The following LAMA5 variants were observed in gnomAD, a reference collection of about 807,000 sequenced individuals.
The protein encoded by LAMA5 is laminin subunit alpha-5.
Under a neutral mutation model 433.4 loss-of-function variants are expected in LAMA5, and 260 were observed. The observed-to-expected ratio is 0.60, with a 90% CI of 0.54 to 0.66. The LOEUF is 0.66. Among genes scored for constraint, LAMA5 ranks in the 30% least tolerant of loss-of-function variants. The pLI is 0.00. For synonymous variants in LAMA5, 2,620 were observed against 2,226.6 expected (o/e 1.18, Z -4.97); for missense variants, 5,378 against 5,258.5 (o/e 1.02, Z -0.70).
intron 11 of LAMA5, among the ~76,000 whole-genome samples, chr20:62,341,054 A>C (rs1283782190): frequency 2.6e-5 from 1 of 38,682 alleles, no homozygotes; most frequent in Non-Finnish European, 1.5e-4. Flanking sequence ...AAATAAATAA[A>C]TAAATAAATA....
Position 62,312,995 on chromosome 20 carries a change from A to C in LAMA5, c.8971T>G (p.Leu2991Val), listed in dbSNP as rs1986488083. ...ACGAGGCTGCCTTCTTGCACGGCCA[A>C]GCACAGGAACTGGCTCTGCAGAAAC... The part of the protein sequence containing the change: ...FLKQQSQFLC[L>V]AVQEGSLVLL... Residue 2991 changes from leucine to valine, a missense_variant, in exon 66 of 80, where the codon TTG becomes GTG. Coordinates refer to ENST00000252999, the MANE Select transcript of LAMA5 (RefSeq NM_005560.6). 3.8e-6 allele frequency: 6 copies of C among 1,582,120 alleles called. No homozygotes were observed. Among genetic ancestry groups the C allele is most frequent in the Non-Finnish European group, 5.2e-6 (6 of 1,161,956 alleles).
At chr20:62,333,516 C>A in intron 24 of LAMA5, 35 bp from the exon 25 acceptor site, 2 of 1,592,000 alleles carry the variant, frequency 1.3e-6, no homozygotes, top group Non-Finnish European at 8.5e-7. Context: ...AGTGGTGGGC[C>A]CCACCCCCTG....
chr20:62,322,114 G>T lies in LAMA5; in HGVS notation c.6401C>A (p.Pro2134His). ...CDPHTGRCNC[P>H]PGLSGERCDT... ...GCAGCGCTCCCCGCTGAGCCCCGGG[G>T]GGCAGTTGCAGCGGCCCGTGTGAGG... is the stretch of plus-strand genomic sequence containing the variant. The change falls in exon 48 of 80, where the codon CCC (proline) becomes CAC (histidine). Residue 2134 changes from proline to histidine, a missense_variant. Pro to His is a moderately conservative substitution (Grantham distance 77, BLOSUM62 -2). Coordinates refer to ENST00000252999, the MANE Select transcript of LAMA5 (RefSeq NM_005560.6). The T allele has an allele frequency of 6.2e-7, 1 of 1,603,390 alleles. No homozygotes were observed. Among genetic ancestry groups the T allele is most frequent in the Non-Finnish European group, 8.5e-7 (1 of 1,178,870 alleles).
chr20:62,358,904 T>C (rs942671752), intron 2 of LAMA5, among the ~76,000 whole-genome samples: 2 of 152,172 alleles, frequency 1.3e-5, no homozygotes, highest in South Asian at 2.1e-4. Context: ...CTGTCCACTC[T>C]GCCCTCCCAT....
rs770067330 is a variant in LAMA5, at chr20:62,327,923, G to A, written c.4740C>T (p.His1580=). 80 of 1,612,304 alleles carry A rather than the reference G, an allele frequency of 5.0e-5. No homozygotes were observed. The highest frequency in any genetic ancestry group is 4.9e-4 in the Middle Eastern group (3 of 6,076). Residue 1580 remains histidine, a synonymous_variant, in exon 36 of 80, where the codon CAC becomes CAT. Coordinates refer to ENST00000252999, the MANE Select transcript of LAMA5 (RefSeq NM_005560.6). ...ACACGCCAGGCGCAGTGCCCGCCTCGTGACAGTCACAGGGGCGGCAGCGGG... is the reference window on the plus strand; with the variant it reads ...ACACGCCAGGCGCAGTGCCCGCCTCATGACAGTCACAGGGGCGGCAGCGGG... ...GYPRCRPCDC[H]EAGTAPGVCD... is the part of the protein sequence containing the mutation.
In LAMA5 at chr20:62,337,048, AGT is replaced by A. The variant is rs577476814; in HGVS notation, c.2165-264_2165-263del. The A allele has an allele frequency of 8.7e-5, 57 of 658,428 alleles. No homozygotes were observed. The East Asian group carries it at 9.7e-4, about 11-fold the overall frequency. The allele number at this position is 658,428 out of a possible 1,614,324, so 40.8% of individuals were successfully genotyped here. ...GGGTACCCGTGTACATTCCACACGC[AGT>A]GTGTGACACACGTCTGAACAAGCAC... On this transcript the variant is annotated intron_variant, in intron 16 of 79. Coordinates refer to ENST00000252999, the MANE Select transcript of LAMA5 (RefSeq NM_005560.6).
chr20:62,355,600 A>G (rs1985074892), intron 2 of LAMA5: 1 of 152,306 alleles, frequency 6.6e-6, no homozygotes, highest in African/African-American at 2.4e-5. Context: ...GGGGCGGGGC[A>G]CAGGCCTATT....
At chr20:62,328,195 C>A in intron 35 of LAMA5, 46 bp downstream of exon 35, 1 of 1,543,058 alleles carries the variant, frequency 6.5e-7, no homozygotes, top group Non-Finnish European at 8.8e-7. Context: ...GAAATGCTGT[C>A]CTTAAGGCCA....
At position 62,323,590 on chromosome 20, in the gene LAMA5, G is replaced by T. The variant is rs746613947; in HGVS notation, c.5930C>A (p.Pro1977His). Residue 1977 changes from proline (P) to histidine (H), a missense_variant, in exon 45 of 80, where the codon CCC becomes CAC. Transcript: ENST00000252999. ...QPCDCSGNGD[P>H]NLLFSDCDPL... The stretch of plus-strand genomic sequence containing the variant: ...GTCGCAGTCGCTGAAGAGCAAGTTG[G>T]GGTCACCGTTGCCGCTGCAGTCGCA... The T allele has an allele frequency of 3.1e-6, 5 of 1,610,404 alleles. No individual in the cohort carries two copies. Among genetic ancestry groups the T allele is most frequent in the South Asian group, 1.1e-5 (1 of 90,680 alleles).
chr20:62,327,488 A>C lies in LAMA5; in HGVS notation c.4938+41T>G, dbSNP rs944891. ...CATCTTGCATCCAGTCCCACCTAAG[A>C]CCTCCCCGAGAAGGCAATGCCCTCA... On this transcript the variant is annotated intron_variant, in intron 37 of 79. Transcript: ENST00000252999. 1,458,878 of 1,610,604 alleles carry C rather than the reference A, an allele frequency of 0.91. 662,172 individuals carry two copies. The highest frequency in any genetic ancestry group is 0.98 in the East Asian group (44,095 of 44,802).
intron 6 of LAMA5, among the ~76,000 whole-genome samples, chr20:62,349,195 C>A (rs113867387): frequency 7.5e-6 from 1 of 132,830 alleles, no homozygotes; most frequent in Non-Finnish European, 1.6e-5. Context: ...GGCATGAACC[C>A]GGGAGGCGGA....
intron 1 of LAMA5, among the ~76,000 whole-genome samples, chr20:62,364,088 T>TC (rs750840163): frequency 2.2e-4 from 34 of 152,162 alleles, no homozygotes; most frequent in Admixed American, 1.4e-3. Context: ...TCCCGCTGTG[T>TC]CCCCAGCTCA....
Position 62,311,435 on chromosome 20 carries a change from A to C in LAMA5, c.9908T>G (p.Leu3303Arg). The change falls in exon 72 of 80, where the codon CTG becomes CGG. Residue 3303 changes from leucine (L) to arginine (R), a missense_variant. Coordinates refer to ENST00000252999, the MANE Select transcript of LAMA5 (RefSeq NM_005560.6). ...APALQAQTPG[L>R]GPRGLQATAR... ...GGTGGCCTGCAGTCCTCTAGGCCCC[A>C]GGCCCGGGGTCTGGGCTTGCAGGGC... 6.3e-7 allele frequency: 1 copy of C among 1,595,128 alleles called. No individual in the cohort carries two copies. Among genetic ancestry groups the C allele is most frequent in the Non-Finnish European group, 8.5e-7 (1 of 1,170,948 alleles).
At chr20:62,334,848 G>A (rs1981274599) in intron 20 of LAMA5, among the ~76,000 whole-genome samples, 173 bp downstream of exon 20, 1 of 152,018 alleles carries the variant, frequency 6.6e-6, no homozygotes, top group African/African-American at 2.4e-5. Context: ...GCATCTGGGT[G>A]GGAGCTGCAC....
At chr20:62,358,838 C>T (rs563111029) in intron 2 of LAMA5, among the ~76,000 whole-genome samples, 2 of 152,278 alleles carry the variant, frequency 1.3e-5, no homozygotes, top group South Asian at 2.1e-4. Flanking sequence ...AGAGCTTTGC[C>T]TCCTTGTACC....
At chr20:62,325,218 G>A (rs1430133596) in intron 41 of LAMA5, 98 bp downstream of exon 41, 7 of 796,654 alleles carry the variant, frequency 8.8e-6, no homozygotes, top group Non-Finnish European at 1.2e-5. Context: ...AGGGTGACAG[G>A]AAGTGGAGGC....
chr20:62,357,592 C>T (rs1344775727), intron 2 of LAMA5, among the ~76,000 whole-genome samples: 1 of 152,200 alleles, frequency 6.6e-6, no homozygotes, highest in Non-Finnish European at 1.5e-5. Flanking sequence ...GGAAACGTGC[C>T]CCACACAGAC....
At chr20:62,341,079 T>TAAAA (rs1555881724) in intron 11 of LAMA5, among the ~76,000 whole-genome samples, 57 of 94,842 alleles carry the variant, frequency 6.0e-4, no homozygotes, top group South Asian at 2.1e-3. Flanking sequence ...AATAAATAAA[T>TAAAA]AAAATTAAAA....
intron 58 of LAMA5, 106 bp downstream of exon 58, chr20:62,315,842 C>T: frequency 1.2e-6 from 1 of 853,540 alleles, no homozygotes. Flanking sequence ...CTGTGGGGGT[C>T]TCTTCCACAG....
Sources: gnomAD v4.1 joint callset for allele counts (sites outside exome capture counted in the v4.1 genomes callset) on GRCh38, gnomAD v4.1.1 for gene constraint, MANE v1.5 for transcripts, NCBI Gene and HGNC (gene_info 2026-07-23, HGNC 2026-07-21) for gene names.